NAALADL2: variants seen among roughly 807,000 people sequenced by gnomAD.
NAALADL2 encodes the protein N-acetylated alpha-linked acidic dipeptidase like 2.
Under a neutral mutation model 87.2 loss-of-function variants are expected in NAALADL2, and 76 were observed. That is an observed-to-expected ratio of 0.87 (90% CI 0.72 to 1.05). The LOEUF (loss-of-function observed/expected upper bound fraction) is 1.05, where lower values mean the gene tolerates loss of function less well. Ranked by LOEUF, NAALADL2 falls within the 50% of genes least tolerant of loss-of-function variation. The pLI is 0.00. For synonymous variants in NAALADL2, 354 were observed against 331.0 expected (o/e 1.07, Z -0.75); for missense variants, 1,089 against 945.8 (o/e 1.15, Z -1.99).
intron 9 of NAALADL2, among the ~76,000 whole-genome samples, chr3:175,492,909 C>A (rs1210058162): frequency 2.0e-5 from 3 of 151,978 alleles, no homozygotes; most frequent in African/African-American, 7.2e-5. Flanking sequence ...TCTTCTAGCT[C>A]TTTTCACCAT....
chr3:175,316,441 C>CATATATGATTGAG (rs1475265476), intron 4 of NAALADL2, among the ~76,000 whole-genome samples: 11 of 152,092 alleles, frequency 7.2e-5, no homozygotes, highest in African/African-American at 2.2e-4. Context: ...AAAGGACCTC[C>CATATATGATTGAG]CAGCCTATCA....
At chr3:175,604,306 T>G in intron 10 of NAALADL2, among the ~76,000 whole-genome samples, 1 of 143,268 alleles carries the variant, frequency 7.0e-6, no homozygotes. Context: ...AAATTTTTTT[T>G]TTTTTTTTTT....
At chr3:174,898,069 C>T (rs1479081148) in intron 1 of NAALADL2, among the ~76,000 whole-genome samples, 11 of 113,910 alleles carry the variant, frequency 9.7e-5, no homozygotes, top group Admixed American at 1.9e-4. Context: ...GCCGAGATCC[C>T]GCCACTGCAC....
chr3:175,543,391 G>C (rs1712731428), intron 9 of NAALADL2, among the ~76,000 whole-genome samples: 1 of 152,120 alleles, frequency 6.6e-6, no homozygotes, highest in Non-Finnish European at 1.5e-5. Flanking sequence ...GATATTTATA[G>C]AGTTTAGGGG....
At chr3:175,743,698 A>G (rs1324617092) in intron 12 of NAALADL2, among the ~76,000 whole-genome samples, 1 of 152,194 alleles carries the variant, frequency 6.6e-6, no homozygotes, top group Non-Finnish European at 1.5e-5. Flanking sequence ...TTCATGTCAT[A>G]GTGAGATCGA....
chr3:175,518,126 G>A, intron 9 of NAALADL2, among the ~76,000 whole-genome samples: 1 of 152,264 alleles, frequency 6.6e-6, no homozygotes, highest in Non-Finnish European at 1.5e-5. Flanking sequence ...TAGGTTGCTC[G>A]TCTATGTTTA....
At chr3:175,558,731 T>G (rs917957387) in intron 9 of NAALADL2, among the ~76,000 whole-genome samples, 1 of 152,210 alleles carries the variant, frequency 6.6e-6, no homozygotes, top group African/African-American at 2.4e-5. Flanking sequence ...ATGATTTTAC[T>G]GTATATGTAT....
At chr3:174,795,719 A>G (rs938143243) in intron 3 of NAALADL2, among the ~76,000 whole-genome samples, 2 of 152,202 alleles carry the variant, frequency 1.3e-5, no homozygotes, top group African/African-American at 4.8e-5. Context: ...TGACTTGTAT[A>G]GTATAGCTAT....
intron 2 of NAALADL2, among the ~76,000 whole-genome samples, chr3:174,639,645 G>A (rs1722980881): frequency 1.3e-5 from 2 of 152,126 alleles, no homozygotes; most frequent in Admixed American, 1.3e-4. Context: ...TCAGCCTGCA[G>A]GGAGAAATGA....
At chr3:174,660,196 G>C (rs778691042) in intron 2 of NAALADL2, among the ~76,000 whole-genome samples, 1 of 152,052 alleles carries the variant, frequency 6.6e-6, no homozygotes, top group Non-Finnish European at 1.5e-5. Context: ...AATATTAATA[G>C]AAGAAAGATT....
At chr3:175,093,229 C>A (rs1720474329) in intron 1 of NAALADL2, among the ~76,000 whole-genome samples, 1 of 151,332 alleles carries the variant, frequency 6.6e-6, no homozygotes, top group Non-Finnish European at 1.5e-5. Flanking sequence ...TTTCATGTTA[C>A]TAGGGAATTT....
chr3:174,870,412 G>T (rs1435636921), intron 1 of NAALADL2, among the ~76,000 whole-genome samples: 1 of 151,978 alleles, frequency 6.6e-6, no homozygotes, highest in Non-Finnish European at 1.5e-5. Context: ...TATGAATGTG[G>T]TATACCTATG....
intron 10 of NAALADL2, among the ~76,000 whole-genome samples, chr3:175,601,702 G>C (rs1305979670): frequency 1.3e-5 from 2 of 152,280 alleles, no homozygotes; most frequent in Non-Finnish European, 2.9e-5. Flanking sequence ...CCACACAGTA[G>C]CTGACCCATG....
chr3:175,527,727 G>A (rs1733600325), intron 9 of NAALADL2, among the ~76,000 whole-genome samples: 1 of 152,104 alleles, frequency 6.6e-6, no homozygotes, highest in South Asian at 2.1e-4. Context: ...TAATTTAAAT[G>A]CTGTACATCC....
At chr3:175,015,848 T>C (rs1468165801) in intron 1 of NAALADL2, among the ~76,000 whole-genome samples, 1 of 152,066 alleles carries the variant, frequency 6.6e-6, no homozygotes, top group Non-Finnish European at 1.5e-5. Context: ...TATGAGGGTC[T>C]ATGTGTTTTA....
At chr3:174,850,114 T>C (rs189888718) in intron 3 of NAALADL2, among the ~76,000 whole-genome samples, 222 of 152,292 alleles carry the variant, frequency 1.5e-3, no homozygotes, top group African/African-American at 5.1e-3. Context: ...CAGCTTTTGT[T>C]TGTCTGGGAA....
At chr3:175,788,099 T>G (rs963077096) in intron 13 of NAALADL2, among the ~76,000 whole-genome samples, 1 of 149,426 alleles carries the variant, frequency 6.7e-6, no homozygotes, top group South Asian at 2.1e-4. Context: ...TTTTTTTTTT[T>G]TTTTTTTTTT....
chr3:174,712,541 C>T (rs1221080102), intron 2 of NAALADL2, among the ~76,000 whole-genome samples: 2 of 151,716 alleles, frequency 1.3e-5, no homozygotes, highest in Non-Finnish European at 2.9e-5. Context: ...GCACCTGCCA[C>T]CAGGCCCAGC....
At chr3:175,496,251 A>C (rs1377089004) in intron 9 of NAALADL2, among the ~76,000 whole-genome samples, 1 of 152,108 alleles carries the variant, frequency 6.6e-6, no homozygotes, top group East Asian at 1.9e-4. Flanking sequence ...TTGTAATTAT[A>C]GTTTGTTGAG....
Sources: allele counts gnomAD v4.1 joint callset (sites outside exome capture counted in the v4.1 genomes callset), GRCh38; gene constraint gnomAD v4.1.1; transcripts MANE v1.5; gene names NCBI Gene and HGNC (gene_info 2026-07-23, HGNC 2026-07-21).